Variants in CDK14 observed in about 807,000 individuals in gnomAD.
CDK14 encodes cyclin dependent kinase 14.
A neutral mutation model predicts 60.7 loss-of-function variants in CDK14; 34 were observed. The observed-to-expected ratio is 0.56, with a 90% CI of 0.43 to 0.75. The LOEUF is 0.75. Among genes scored for constraint, CDK14 ranks in the 30% least tolerant of loss-of-function variants. The pLI, the probability that CDK14 is intolerant of heterozygous loss-of-function variation, is 0.00. For missense variants in CDK14, 482 were observed against 564.1 expected, an observed-to-expected ratio of 0.85 and a Z score of 1.47; for synonymous variants, 197 against 203.7, an observed-to-expected ratio of 0.97 and a Z score of 0.28.
intron 2 of CDK14, among the ~76,000 whole-genome samples, chr7:90,711,287 G>C (rs1437207671): frequency 6.6e-6 from 1 of 151,994 alleles, no homozygotes; most frequent in Non-Finnish European, 1.5e-5. Flanking sequence ...ACTATTTACT[G>C]TTGAGGTTGG....
chr7:91,105,781 C>T (rs1236978277), intron 12 of CDK14, among the ~76,000 whole-genome samples: 1 of 152,008 alleles, frequency 6.6e-6, no homozygotes, highest in Non-Finnish European at 1.5e-5. Flanking sequence ...AGACATACAA[C>T]TATATTTAAA....
At chr7:90,930,786 T>G (rs1793568977) in intron 8 of CDK14, among the ~76,000 whole-genome samples, 1 of 152,162 alleles carries the variant, frequency 6.6e-6, no homozygotes, top group Admixed American at 6.5e-5. Flanking sequence ...TGTTTTATCC[T>G]TATAATCCTG....
intron 6 of CDK14, among the ~76,000 whole-genome samples, chr7:90,884,723 G>T (rs1791885634): frequency 6.6e-6 from 1 of 152,088 alleles, no homozygotes; most frequent in Admixed American, 6.6e-5. Flanking sequence ...CATGGTACAG[G>T]TACCAAAACA....
intron 14 of CDK14, among the ~76,000 whole-genome samples, chr7:91,129,553 G>T (rs2116419502): frequency 6.6e-6 from 1 of 152,212 alleles, no homozygotes; most frequent in African/African-American, 2.4e-5. Context: ...TGAACTAACT[G>T]CTTTTTTCCA....
chr7:90,752,987 T>G (rs1045861175), intron 4 of CDK14, among the ~76,000 whole-genome samples: 2 of 152,078 alleles, frequency 1.3e-5, no homozygotes, highest in African/African-American at 4.8e-5. Context: ...GTTCCACAAT[T>G]GAATTAATAA....
intron 3 of CDK14, among the ~76,000 whole-genome samples, chr7:90,736,344 GTTTTTGTTTTTT>G (rs1415907497): frequency 1.2e-4 from 5 of 41,026 alleles, no homozygotes; most frequent in Admixed American, 6.1e-4. Context: ...ACTTTATTAT[GTTTTTGTTTTTT>G]TTTTTTTTTT....
intron 5 of CDK14, among the ~76,000 whole-genome samples, chr7:90,827,152 G>C (rs925710770): frequency 6.7e-6 from 1 of 150,158 alleles, no homozygotes; most frequent in Non-Finnish European, 1.5e-5. Context: ...TCATGTTTCT[G>C]TCTTAATGGT....
chr7:90,906,512 G>A (rs1468900301), intron 7 of CDK14, among the ~76,000 whole-genome samples: 1 of 151,980 alleles, frequency 6.6e-6, no homozygotes, highest in Non-Finnish European at 1.5e-5. Context: ...AAATCATTTT[G>A]CTTCTAAATT....
chr7:90,600,465 G>T (rs1489766517), intron 1 of CDK14, among the ~76,000 whole-genome samples: 1 of 152,140 alleles, frequency 6.6e-6, no homozygotes, highest in Non-Finnish European at 1.5e-5. Context: ...CCTAGAGAAA[G>T]GAAGTTTATA....
intron 3 of CDK14, among the ~76,000 whole-genome samples, chr7:90,738,179 G>A (rs1803198382): frequency 6.6e-6 from 1 of 152,102 alleles, no homozygotes; most frequent in South Asian, 2.1e-4. Context: ...GATAATCTTG[G>A]CTTGAATTCT....
intron 2 of CDK14, among the ~76,000 whole-genome samples, chr7:90,703,074 G>A (rs1338614379): frequency 2.0e-5 from 3 of 148,994 alleles, no homozygotes; most frequent in African/African-American, 7.4e-5. Context: ...TTTTGCAAAT[G>A]AGACTTAGCT....
intron 8 of CDK14, among the ~76,000 whole-genome samples, chr7:90,929,559 G>T (rs1209420747): frequency 1.3e-5 from 2 of 152,306 alleles, no homozygotes; most frequent in East Asian, 3.9e-4. Context: ...CCTGGCAAAA[G>T]AAGTGAGAAT....
In CDK14 at chr7:91,136,943, CTAAGAGAAAAGTTATGCCCTCTTCATTGA is replaced by C. The variant is rs1422452222; in HGVS notation, c.*28+18739_*28+18767del. Among the ~76,000 whole-genome samples the C allele has an allele frequency of 2.6e-5, 4 of 152,258 alleles. No individual in the cohort carries two copies. The East Asian group carries it at 7.7e-4, about 29-fold the overall frequency. On this transcript the variant is annotated intron_variant, in intron 14 of 14. Coordinates refer to ENST00000380050, the MANE Select transcript of CDK14 (RefSeq NM_001287135.2). ...CTTTGAAATTCGCATGAGCCATCTT[CTAAGAGAAAAGTTATGCCCTCTTCATTGA>C]TAATTAGGAAATCTTTTATCAGGAT...
At chr7:90,924,515 T>C (rs1248796375) in intron 8 of CDK14, among the ~76,000 whole-genome samples, 1 of 152,236 alleles carries the variant, frequency 6.6e-6, no homozygotes, top group East Asian at 1.9e-4. Context: ...AAAGCTCATG[T>C]TAAAATTCAG....
intron 11 of CDK14, among the ~76,000 whole-genome samples, chr7:91,076,083 A>G (rs768756679): frequency 7.2e-5 from 11 of 151,864 alleles, no homozygotes; most frequent in Non-Finnish European, 1.3e-4. Flanking sequence ...CCATCAAGCT[A>G]TCATTGACAT....
chr7:90,891,533 A>C (rs1022159748), intron 6 of CDK14, among the ~76,000 whole-genome samples: 2 of 152,196 alleles, frequency 1.3e-5, no homozygotes, highest in African/African-American at 4.8e-5. Context: ...TGTGTATGTT[A>C]TAAAATCTAT....
At chr7:90,917,012 T>G (rs897687513) in intron 7 of CDK14, among the ~76,000 whole-genome samples, 10 of 152,218 alleles carry the variant, frequency 6.6e-5, no homozygotes, top group African/African-American at 2.4e-4. Context: ...AGCAGCAGCC[T>G]AATCTATATG....
intron 12 of CDK14, chr7:91,107,296 A>G (rs1437992900): frequency 3.9e-5 from 6 of 152,226 alleles, no homozygotes. Flanking sequence ...AACCCTATTG[A>G]GTGCTTTTTA....
chr7:91,008,703 C>T (rs1162482769), intron 10 of CDK14, among the ~76,000 whole-genome samples: 1 of 152,104 alleles, frequency 6.6e-6, no homozygotes, highest in Non-Finnish European at 1.5e-5. Flanking sequence ...TTTTAAATAA[C>T]AGTCATGAAA....
Sources: allele counts gnomAD v4.1 joint callset (sites outside exome capture counted in the v4.1 genomes callset), GRCh38; gene constraint gnomAD v4.1.1; transcripts MANE v1.5; gene names NCBI Gene and HGNC (gene_info 2026-07-23, HGNC 2026-07-21).